PHF20L1: variants seen among roughly 807,000 people sequenced by gnomAD.
PHF20L1 encodes the protein PHD finger protein 20 like 1.
PHF20L1 carries 44 observed loss-of-function variants against 125.5 expected under a neutral mutation model. The ratio of observed to expected loss-of-function variants is 0.35; its 90% CI spans 0.28 to 0.45. The LOEUF (loss-of-function observed/expected upper bound fraction) is 0.45, where lower values mean the gene tolerates loss of function less well. Among genes scored for constraint, PHF20L1 ranks in the 20% least tolerant of loss-of-function variants. The pLI is 1.00. For missense variants in PHF20L1, 1,012 were observed against 1,217.2 expected (o/e 0.83, Z 2.51); for synonymous variants, 380 against 403.1 (o/e 0.94, Z 0.69).
chr8:132,831,358 C>T (rs938752874), intron 14 of PHF20L1, among the ~76,000 whole-genome samples: 2 of 52,814 alleles, frequency 3.8e-5, no homozygotes, highest in Non-Finnish European at 8.9e-5. Flanking sequence ...TGGAATCACA[C>T]CCCCACCTCC....
At chr8:132,807,936 G>C (rs574015709) in intron 8 of PHF20L1, 1 of 238,312 alleles carries the variant, frequency 4.2e-6, no homozygotes, top group South Asian at 4.4e-5. Context: ...TAATTAATAG[G>C]TACTTGCTTA....
chr8:132,804,290 G>A (rs1261110640), intron 7 of PHF20L1, among the ~76,000 whole-genome samples: 1 of 151,750 alleles, frequency 6.6e-6, no homozygotes, highest in African/African-American at 2.4e-5. Flanking sequence ...ATAACTTCTT[G>A]ATAGCAGGTT....
At chr8:132,791,103 A>G (rs1831636035) in intron 2 of PHF20L1, among the ~76,000 whole-genome samples, 1 of 152,168 alleles carries the variant, frequency 6.6e-6, no homozygotes, top group South Asian at 2.1e-4. Flanking sequence ...GATTACCAAG[A>G]TCAAATGAGA....
intron 2 of PHF20L1, 59 bp from the exon 3 acceptor site, chr8:132,794,351 T>C (rs1832142049): frequency 9.5e-7 from 1 of 1,048,216 alleles, no homozygotes; most frequent in South Asian, 1.4e-5. Flanking sequence ...CTATGTATAA[T>C]GCTTTGTATA....
intron 2 of PHF20L1, among the ~76,000 whole-genome samples, chr8:132,790,064 ATTC>A (rs1387259792): frequency 2.0e-5 from 3 of 152,186 alleles, no homozygotes; most frequent in African/African-American, 7.2e-5. Context: ...CCTAATCACT[ATTC>A]TTTAATTTAA....
Position 132,832,380 on chromosome 8 carries a change from C to T in PHF20L1, c.1890C>T (p.Ser630=), listed in dbSNP as rs373346407. ...ATCAGTACCCAAGGGCAATTCTATC[C>T]GTTGATCTTAGTGGTGAAAGTATGT... ...TTYQYPRAIL[S]VDLSGENLSD... is the part of the protein sequence containing the mutation. The change falls in exon 15 of 21, where the codon TCC becomes TCT. Residue 630 remains serine (S), a synonymous_variant. Transcript: ENST00000395386. The T allele has an allele frequency of 5.8e-5, 93 of 1,611,132 alleles. No individual in the cohort carries two copies. The highest frequency in any genetic ancestry group is 6.8e-5 in the Non-Finnish European group (80 of 1,178,010).
At chr8:132,823,901 AAG>A in intron 12 of PHF20L1, 101 bp from the exon 13 acceptor site, 1 of 630,060 alleles carries the variant, frequency 1.6e-6, no homozygotes, top group Admixed American at 3.1e-5. Flanking sequence ...TTAGGAGAAA[AAG>A]AGTCTTACAT....
intron 2 of PHF20L1, among the ~76,000 whole-genome samples, chr8:132,782,639 C>T (rs1263284640): frequency 1.3e-5 from 2 of 151,722 alleles, no homozygotes; most frequent in African/African-American, 4.8e-5. Flanking sequence ...GCAGTGCAGT[C>T]ACGAGATCAT....
intron 8 of PHF20L1, chr8:132,807,086 G>A (rs1039661102): frequency 7.9e-5 from 12 of 151,864 alleles, no homozygotes; most frequent in East Asian, 1.9e-4. Context: ...TATGGAATAC[G>A]TATATGTATA....
At chr8:132,826,017 A>C (rs991921011) in intron 14 of PHF20L1, among the ~76,000 whole-genome samples, 1 of 152,054 alleles carries the variant, frequency 6.6e-6, no homozygotes, top group Admixed American at 6.6e-5. Flanking sequence ...AATGAACACA[A>C]CTCCAAATTT....
intron 19 of PHF20L1, 149 bp from the exon 20 acceptor site, chr8:132,844,007 A>G (rs1838198967): frequency 7.1e-7 from 1 of 1,415,958 alleles, no homozygotes; most frequent in Non-Finnish European, 9.2e-7. Flanking sequence ...GAATTTGGTT[A>G]TGTAGCAGTA....
At chr8:132,825,461 ACGATCCC>A in intron 14 of PHF20L1, 90 bp downstream of exon 14, 1 of 1,067,932 alleles carries the variant, frequency 9.4e-7, no homozygotes. Context: ...GAGTCATGAC[ACGATCCC>A]CGTGTCCCGT....
chr8:132,796,785 G>C (rs1832438808), intron 4 of PHF20L1, among the ~76,000 whole-genome samples: 1 of 152,036 alleles, frequency 6.6e-6, no homozygotes, highest in African/African-American at 2.4e-5. Context: ...CTAGCACATA[G>C]TAGACAGTCA....
rs746383005 is a variant in PHF20L1 at position 132,836,663 on chromosome 8, T to G, written c.2033T>G (p.Leu678Arg). The G allele has an allele frequency of 3.1e-6, 5 of 1,613,296 alleles. No homozygotes were observed. The highest frequency in any genetic ancestry group is 4.2e-6 in the Non-Finnish European group (5 of 1,179,468). Residue 678 changes from leucine to arginine, a missense_variant, in exon 16 of 21, where the codon CTT (leucine) becomes CGT (arginine). By Grantham distance (102) the Leu-to-Arg change is moderately radical. Coordinates refer to ENST00000395386, the MANE Select transcript of PHF20L1 (RefSeq NM_016018.5). ...FEESQDEDDALNEIVRCICEM... is the reference protein window; with the variant it reads ...FEESQDEDDARNEIVRCICEM... ...GAATCTCAGGATGAGGATGATGCTC[T>G]TAATGAAATTGTGCGATGTATTTGT...
intron 2 of PHF20L1, among the ~76,000 whole-genome samples, chr8:132,778,380 C>A (rs1230713193): frequency 6.6e-6 from 1 of 152,186 alleles, no homozygotes; most frequent in African/African-American, 2.4e-5. Flanking sequence ...TCAAAAACAT[C>A]TCCACTATTC....
chr8:132,827,259 G>T (rs1333977791), intron 14 of PHF20L1, among the ~76,000 whole-genome samples: 1 of 151,780 alleles, frequency 6.6e-6, no homozygotes, highest in South Asian at 2.1e-4. Context: ...TATTCACTGT[G>T]AACTCATTTG....
chr8:132,799,392 T>C (rs1231528464), intron 6 of PHF20L1: 1 of 358,662 alleles, frequency 2.8e-6, no homozygotes, highest in East Asian at 4.2e-5. Flanking sequence ...AAGCAGTGTA[T>C]TGTATGCTTT....
chr8:132,834,990 T>A (rs1837183935), intron 15 of PHF20L1, among the ~76,000 whole-genome samples: 1 of 152,084 alleles, frequency 6.6e-6, no homozygotes, highest in Non-Finnish European at 1.5e-5. Context: ...GTAAGCAAGA[T>A]TAGAAGCTGA....
rs774111326 is a variant in PHF20L1 at position 132,844,177 on chromosome 8, G to A, written c.2770G>A (p.Val924Ile). The change falls in exon 20 of 21, where the codon GTA (valine) becomes ATA (isoleucine). Residue 924 changes from valine (V) to isoleucine (I), a missense_variant. Physicochemically the swap from Val to Ile is conservative, Grantham distance 29. Transcript: ENST00000395386. ...GAAGAATCCAGCTGAAGGGAATACA[G>A]TATTTGTTTATAATGATAAAAAGGG... ...PEKNPAEGNTVFVYNDKKGTE... is the reference protein window; with the variant it reads ...PEKNPAEGNTIFVYNDKKGTE... 3 of 1,612,632 alleles carry A rather than the reference G, an allele frequency of 1.9e-6. No homozygotes were observed. The highest frequency in any genetic ancestry group is 1.1e-5 in the South Asian group (1 of 91,022).
Sources: allele counts gnomAD v4.1 joint callset (sites outside exome capture counted in the v4.1 genomes callset), GRCh38; gene constraint gnomAD v4.1.1; transcripts MANE v1.5; gene names NCBI Gene and HGNC (gene_info 2026-07-23, HGNC 2026-07-21).